The following WBP1L variants were observed in gnomAD, a reference collection of about 807,000 sequenced individuals.
The protein encoded by WBP1L is WW domain binding protein 1-like.
Under a neutral mutation model 33.7 loss-of-function variants are expected in WBP1L, and 17 were observed. The observed-to-expected ratio is 0.50, with a 90% CI of 0.34 to 0.76. The LOEUF is 0.76. Ranked by LOEUF, WBP1L falls within the 30% of genes least tolerant of loss-of-function variation. The probability of loss-of-function intolerance (pLI) is 0.01; values close to 1 mark genes in which losing one functional copy is unlikely to be tolerated. For synonymous variants in WBP1L, 173 were observed against 190.8 expected (o/e 0.91, Z 0.77); for missense variants, 389 against 469.4 (o/e 0.83, Z 1.58).
chr10:102,754,626 G>C (rs1842953293), intron 1 of WBP1L, among the ~76,000 whole-genome samples: 2 of 152,010 alleles, frequency 1.3e-5, no homozygotes, highest in African/African-American at 4.8e-5. Context: ...TCGAACTCCT[G>C]ACGTAATCCA....
rs116763570 is a variant in WBP1L at position 102,795,499 on chromosome 10, G to A, written c.91-2494G>A. 4.8e-3 allele frequency among the ~76,000 whole-genome samples: 729 copies of A among 152,284 alleles called. 2 individuals are homozygous for A. Among genetic ancestry groups the A allele is most frequent in the African/African-American group, 0.017 (695 of 41,550 alleles). ...TTGTTTATTCCAGGCCCCCTGCCTCGGTGCACAGAAGATCCGAGAGAAAAG... is the reference window on the plus strand; with the variant it reads ...TTGTTTATTCCAGGCCCCCTGCCTCAGTGCACAGAAGATCCGAGAGAAAAG... On this transcript the variant is annotated intron_variant, in intron 1 of 3. Transcript: ENST00000448841.
intron 1 of WBP1L, among the ~76,000 whole-genome samples, chr10:102,751,322 CT>C (rs71019611): frequency 3.9e-4 from 55 of 141,384 alleles, no homozygotes; most frequent in Admixed American, 5.7e-4. Flanking sequence ...TTTTTCTTTC[CT>C]TTTTTTTTTT....
intron 1 of WBP1L, among the ~76,000 whole-genome samples, chr10:102,753,662 G>GA (rs1186174111): frequency 1.3e-5 from 2 of 152,134 alleles, no homozygotes; most frequent in Non-Finnish European, 2.9e-5. Flanking sequence ...GAAATCAGAG[G>GA]AGTTGTTTTT....
chr10:102,771,810 GAA>G lies in WBP1L; in HGVS notation c.91-26170_91-26169del, dbSNP rs58113573. On this transcript the variant is annotated intron_variant, in intron 1 of 3. Coordinates refer to ENST00000448841, the MANE Select transcript of WBP1L (RefSeq NM_001083913.2). ...TTGACAGAGTGAGACTCTGTCTCAA[GAA>G]AAAAAAAAAAAAGTTAATCTGAATC... Among the ~76,000 whole-genome samples the G allele has an allele frequency of 3.3e-3, 460 of 138,942 alleles. 2 individuals carry two copies. Among genetic ancestry groups the G allele is most frequent in the African/African-American group, 9.3e-3 (354 of 38,210 alleles). 91.2% of individuals were successfully genotyped at this position (138,942 alleles called of 152,430 possible).
intron 2 of WBP1L, among the ~76,000 whole-genome samples, chr10:102,807,793 G>A (rs1259242684): frequency 6.6e-6 from 1 of 151,208 alleles, no homozygotes; most frequent in East Asian, 1.9e-4. Context: ...ATTTTTTAAT[G>A]ATTCATATTA....
chr10:102,773,751 T>C (rs769668684), intron 1 of WBP1L, among the ~76,000 whole-genome samples: 12 of 150,724 alleles, frequency 8.0e-5, no homozygotes, highest in Non-Finnish European at 1.6e-4. Context: ...CTTAGCTGAG[T>C]GTGGTGGCGT....
intron 1 of WBP1L, among the ~76,000 whole-genome samples, chr10:102,783,577 T>C (rs1473374331): frequency 6.6e-6 from 1 of 152,186 alleles, no homozygotes; most frequent in Non-Finnish European, 1.5e-5. Context: ...CTGTACAAAA[T>C]ATTGTGCTGC....
At chr10:102,772,925 CT>C (rs58706105) in intron 1 of WBP1L, among the ~76,000 whole-genome samples, 286 of 138,882 alleles carry the variant, frequency 2.1e-3, no homozygotes, top group South Asian at 7.1e-3. Context: ...GTATGACTTC[CT>C]TTTTTTTTTT....
intron 1 of WBP1L, among the ~76,000 whole-genome samples, chr10:102,758,493 TCTTTA>T (rs774808909): frequency 3.9e-5 from 6 of 152,244 alleles, no homozygotes; most frequent in African/African-American, 1.2e-4. Context: ...TGACTGGTTT[TCTTTA>T]CTTAGCATGT....
At chr10:102,806,522 CA>C (rs1843738255) in intron 2 of WBP1L, among the ~76,000 whole-genome samples, 1 of 152,090 alleles carries the variant, frequency 6.6e-6, no homozygotes, top group East Asian at 1.9e-4. Context: ...TTAAGTCAGC[CA>C]GAATTCATAA....
At chr10:102,759,317 C>T (rs1199358660) in intron 1 of WBP1L, among the ~76,000 whole-genome samples, 1 of 152,212 alleles carries the variant, frequency 6.6e-6, no homozygotes, top group African/African-American at 2.4e-5. Context: ...TGACCCTATA[C>T]CTGCCGGTTA....
chr10:102,797,878 A>G (rs1843595484), intron 1 of WBP1L, 115 bp from the exon 2 acceptor site: 4 of 956,790 alleles, frequency 4.2e-6, no homozygotes, highest in African/African-American at 1.6e-5. Context: ...TGGAATAAAC[A>G]TTGATACAAA....
chr10:102,774,571 G>A (rs1203556268), intron 1 of WBP1L, among the ~76,000 whole-genome samples: 1 of 152,168 alleles, frequency 6.6e-6, no homozygotes, highest in Non-Finnish European at 1.5e-5. Context: ...TGTCTGGCTG[G>A]ATTCTAATGA....
chr10:102,780,737 G>C (rs1396451562), intron 1 of WBP1L, among the ~76,000 whole-genome samples: 3 of 152,224 alleles, frequency 2.0e-5, no homozygotes, highest in Non-Finnish European at 4.4e-5. Flanking sequence ...GTTCAGAGGT[G>C]TGAAGAGGCA....
chr10:102,747,379 AAGAAT>A (rs1385219199), intron 1 of WBP1L, among the ~76,000 whole-genome samples: 1 of 151,798 alleles, frequency 6.6e-6, no homozygotes, highest in African/African-American at 2.4e-5. Context: ...AAAAAAAAAA[AAGAAT>A]GAGAAAACAG....
chr10:102,760,523 T>C (rs1042302027), intron 1 of WBP1L, among the ~76,000 whole-genome samples: 7 of 151,816 alleles, frequency 4.6e-5, no homozygotes, highest in African/African-American at 1.7e-4. Context: ...ATTACGGGCA[T>C]GCACCACCAC....
At chr10:102,788,265 A>G (rs982180240) in intron 1 of WBP1L, among the ~76,000 whole-genome samples, 1 of 150,016 alleles carries the variant, frequency 6.7e-6, no homozygotes, top group Non-Finnish European at 1.5e-5. Context: ...AGTAGCTACC[A>G]CGCCCGGCTA....
At chr10:102,777,561 CTTTTTTTTTTTTTTT>C (rs35713577) in intron 1 of WBP1L, among the ~76,000 whole-genome samples, 1 of 55,570 alleles carries the variant, frequency 1.8e-5, no homozygotes, top group Non-Finnish European at 3.2e-5. Context: ...AAAGGCTGTC[CTTTTTTTTTTTTTTT>C]TTTTTTTTTT....
intron 1 of WBP1L, among the ~76,000 whole-genome samples, chr10:102,795,929 C>T (rs1005744174): frequency 2.0e-5 from 3 of 152,108 alleles, no homozygotes; most frequent in African/African-American, 7.2e-5. Flanking sequence ...GACTAGATAG[C>T]CAGTGTCTCA....
Sources: allele counts gnomAD v4.1 joint callset (sites outside exome capture counted in the v4.1 genomes callset), GRCh38; gene constraint gnomAD v4.1.1; transcripts MANE v1.5; gene names NCBI Gene and HGNC (gene_info 2026-07-23, HGNC 2026-07-21).